ADAMTS18: variants seen among roughly 807,000 people sequenced by gnomAD.
The protein encoded by ADAMTS18 is ADAM metallopeptidase with thrombospondin type 1 motif 18.
A neutral mutation model predicts 165.9 loss-of-function variants in ADAMTS18; 157 were observed. That is an observed-to-expected ratio of 0.95 (90% CI 0.83 to 1.08). The LOEUF is 1.08. Ranked by LOEUF, ADAMTS18 falls within the 50% of genes least tolerant of loss-of-function variation. ADAMTS18 has a pLI of 0.00. For missense variants in ADAMTS18, 2,040 were observed against 1,534.0 expected, an observed-to-expected ratio of 1.33 and a Z score of -5.51; for synonymous variants, 782 against 578.2, an observed-to-expected ratio of 1.35 and a Z score of -5.06.
At chr16:77,315,890 G>T (rs576638593) in intron 16 of ADAMTS18, among the ~76,000 whole-genome samples, 2 of 152,272 alleles carry the variant, frequency 1.3e-5, no homozygotes, top group East Asian at 1.9e-4. Context: ...AGCTACTCTT[G>T]AATATCTAAG....
chr16:77,427,688 T>A (rs16945687), intron 3 of ADAMTS18, among the ~76,000 whole-genome samples: 2,349 of 152,294 alleles, frequency 0.015, 64 homozygotes, highest in African/African-American at 0.053. Flanking sequence ...AGTAGGCAGT[T>A]TTTACTCAGG....
intron 16 of ADAMTS18, among the ~76,000 whole-genome samples, chr16:77,318,807 C>T (rs1479336834): frequency 6.6e-6 from 1 of 151,794 alleles, no homozygotes; most frequent in Non-Finnish European, 1.5e-5. Context: ...AGTCCATTTT[C>T]TACCTTAGTT....
intron 10 of ADAMTS18, among the ~76,000 whole-genome samples, chr16:77,351,215 A>G (rs1466639072): frequency 1.3e-5 from 2 of 152,194 alleles, no homozygotes; most frequent in Non-Finnish European, 2.9e-5. Context: ...AGAATCTATC[A>G]AACCACCCTA....
At chr16:77,424,668 G>C (rs564373561) in intron 3 of ADAMTS18, among the ~76,000 whole-genome samples, 185 of 152,236 alleles carry the variant, frequency 1.2e-3, no homozygotes, top group Non-Finnish European at 2.0e-3. Context: ...CACAAATCAT[G>C]TCTGAAGAGG....
At chr16:77,286,758 G>A (rs1183486017) in intron 22 of ADAMTS18, among the ~76,000 whole-genome samples, 1 of 152,100 alleles carries the variant, frequency 6.6e-6, no homozygotes, top group African/African-American at 2.4e-5. Flanking sequence ...AATATGACTA[G>A]TCTGCAGCCC....
chr16:77,294,190 G>A (rs1201654086), intron 19 of ADAMTS18, among the ~76,000 whole-genome samples: 1 of 152,086 alleles, frequency 6.6e-6, no homozygotes, highest in African/African-American at 2.4e-5. Flanking sequence ...AGCAGTGGTT[G>A]AGCTATCATC....
At position 77,322,428 on chromosome 16, in the gene ADAMTS18, AG is replaced by A; in HGVS notation, c.2070del (p.Phe691LeufsTer11). The part of the protein sequence containing the change: ...DRCKLYCKAE[N>X]FEFFFAMSGK... ...CCGGACATTGCAAAAAAAAATTCAA[AG>A]TTCTCAGCCTTGCAGTACAGTTTGC... On this transcript the variant is annotated frameshift_variant, in exon 14 of 23. Coordinates refer to ENST00000282849, the MANE Select transcript of ADAMTS18 (RefSeq NM_199355.4). LOFTEE classifies it high-confidence loss of function. 1.9e-6 allele frequency: 3 copies of A among 1,614,116 alleles called. No individual in the cohort carries two copies. Among genetic ancestry groups the A allele is most frequent in the Non-Finnish European group, 2.5e-6 (3 of 1,179,984 alleles).
chr16:77,366,159 A>C (rs543781428), intron 4 of ADAMTS18, among the ~76,000 whole-genome samples: 24 of 124,786 alleles, frequency 1.9e-4, no homozygotes, highest in Non-Finnish European at 3.6e-4. Flanking sequence ...CCATGAGAAT[A>C]AACTTCTTCT....
At chr16:77,325,429 A>G (rs2144649564) in intron 13 of ADAMTS18, among the ~76,000 whole-genome samples, 1 of 152,232 alleles carries the variant, frequency 6.6e-6, no homozygotes, top group South Asian at 2.1e-4. Context: ...GCGTGCATGC[A>G]CACACTCTAC....
chr16:77,367,759 C>T, intron 3 of ADAMTS18, 36 bp from the exon 4 acceptor site: 1 of 1,613,904 alleles, frequency 6.2e-7, no homozygotes, highest in Non-Finnish European at 8.5e-7. Flanking sequence ...AGTCATGATT[C>T]CATGCATCCC....
intron 18 of ADAMTS18, among the ~76,000 whole-genome samples, chr16:77,295,869 G>A (rs1316518748): frequency 1.3e-5 from 2 of 151,860 alleles, no homozygotes; most frequent in Non-Finnish European, 2.9e-5. Context: ...TTGAGATGGA[G>A]TCTTGCTCTT....
intron 8 of ADAMTS18, among the ~76,000 whole-genome samples, chr16:77,356,531 T>A (rs919804211): frequency 6.6e-6 from 1 of 152,182 alleles, no homozygotes; most frequent in South Asian, 2.1e-4. Flanking sequence ...TGTTCATATA[T>A]AAGGCTAGCA....
chr16:77,434,619 C>G lies in ADAMTS18; in HGVS notation c.77G>C (p.Gly26Ala). The G allele has an allele frequency of 6.6e-7, 1 of 1,510,692 alleles. No homozygotes were observed. The highest frequency in any genetic ancestry group is 8.8e-7 in the Non-Finnish European group (1 of 1,136,392). The allele number at this position is 1,510,692 out of a possible 1,614,324, so 93.6% of individuals were successfully genotyped here. A position where few individuals can be genotyped will look rare whatever the true frequency, so the allele number is the denominator to read the frequency against. The part of the protein sequence containing the change: ...SGPPRGLAGL[G>A]RVAKALQLCC... ...GGCGGCACCTGCCTTGGCCACGCGC[C>G]CCAGTCCCGCCAGGCCCCTCGGCGG... Residue 26 changes from glycine (G) to alanine (A), a missense_variant, in exon 1 of 23, where the codon GGG becomes GCG. Coordinates refer to ENST00000282849, the MANE Select transcript of ADAMTS18 (RefSeq NM_199355.4).
At chr16:77,345,038 TC>T (rs1388102866) in intron 10 of ADAMTS18, among the ~76,000 whole-genome samples, 1 of 152,092 alleles carries the variant, frequency 6.6e-6, no homozygotes, top group Non-Finnish European at 1.5e-5. Context: ...CCACAGAGAC[TC>T]CAAGGTCTCA....
intron 3 of ADAMTS18, among the ~76,000 whole-genome samples, chr16:77,387,881 A>C (rs2057131233): frequency 6.6e-6 from 1 of 152,212 alleles, no homozygotes; most frequent in Non-Finnish European, 1.5e-5. Flanking sequence ...GGTGCTGCAG[A>C]CTCATCCATG....
At chr16:77,331,574 G>C (rs925473730) in intron 12 of ADAMTS18, among the ~76,000 whole-genome samples, 2 of 152,162 alleles carry the variant, frequency 1.3e-5, no homozygotes, top group African/African-American at 2.4e-5. Flanking sequence ...CACTGGGCCT[G>C]ATTACATCTG....
intron 16 of ADAMTS18, among the ~76,000 whole-genome samples, chr16:77,311,611 T>C (rs1475553817): frequency 6.6e-6 from 1 of 151,954 alleles, no homozygotes; most frequent in Non-Finnish European, 1.5e-5. Flanking sequence ...TGATGTTCTC[T>C]AGAGAACAAT....
chr16:77,377,181 A>T (rs189847721), intron 3 of ADAMTS18, among the ~76,000 whole-genome samples: 142 of 152,332 alleles, frequency 9.3e-4, no homozygotes, highest in African/African-American at 3.3e-3. Context: ...AATTTTCCCT[A>T]AAGTTTCCTT....
Position 77,289,430 on chromosome 16 carries a change from G to C in ADAMTS18, c.3403-19C>G, listed in dbSNP as rs772607769. Reference sequence around the variant, plus strand: ...CTGTGCACTGCAGCAGAGAGAAGAGGAAGGAGTCAGAAACACTCTACTGAG... The same window carrying C: ...CTGTGCACTGCAGCAGAGAGAAGAGCAAGGAGTCAGAAACACTCTACTGAG... On this transcript the variant is annotated intron_variant, in intron 21 of 22. Transcript: ENST00000282849. The C allele has an allele frequency of 3.1e-6, 5 of 1,613,374 alleles. No individual in the cohort carries two copies. The highest frequency in any genetic ancestry group is 3.3e-5 in the Admixed American group (2 of 59,982).
Sources: gnomAD v4.1 joint callset for allele counts (sites outside exome capture counted in the v4.1 genomes callset) on GRCh38, gnomAD v4.1.1 for gene constraint, MANE v1.5 for transcripts, NCBI Gene and HGNC (gene_info 2026-07-23, HGNC 2026-07-21) for gene names.